The following MDGA2 variants were observed in gnomAD, a reference collection of about 807,000 sequenced individuals.
MDGA2 encodes the protein MAM domain-containing glycosylphosphatidylinositol anchor protein 2.
Under a neutral mutation model 117.8 loss-of-function variants are expected in MDGA2, and 40 were observed. The ratio of observed to expected loss-of-function variants is 0.34; its 90% confidence interval spans 0.26 to 0.44. The LOEUF (loss-of-function observed/expected upper bound fraction) is 0.44. Among genes scored for constraint, MDGA2 ranks in the 20% least tolerant of loss-of-function variants. The pLI, the probability that MDGA2 is intolerant of heterozygous loss-of-function variation, is 1.00. For missense variants in MDGA2, 1,123 were observed against 1,250.6 expected (o/e 0.90, Z 1.54); for synonymous variants, 452 against 439.0 (o/e 1.03, Z -0.37).
At chr14:47,032,367 G>T (rs1888693457) in intron 8 of MDGA2, among the ~76,000 whole-genome samples, 1 of 152,082 alleles carries the variant, frequency 6.6e-6, no homozygotes, top group Non-Finnish European at 1.5e-5. Context: ...CAGGAAGATT[G>T]CTTGAAGTCA....
intron 3 of MDGA2, among the ~76,000 whole-genome samples, chr14:47,194,502 G>T (rs1476141123): frequency 6.6e-6 from 1 of 151,972 alleles, no homozygotes; most frequent in African/African-American, 2.4e-5. Context: ...TTATCCCTTT[G>T]CATAAGAGGA....
chr14:47,056,208 G>T (rs1889669502), intron 7 of MDGA2, among the ~76,000 whole-genome samples: 1 of 151,998 alleles, frequency 6.6e-6, no homozygotes, highest in South Asian at 2.1e-4. Context: ...TAATTAATTG[G>T]ACTTAGTCAT....
chr14:47,163,890 C>T (rs564675809), intron 3 of MDGA2, among the ~76,000 whole-genome samples: 1 of 152,166 alleles, frequency 6.6e-6, no homozygotes, highest in African/African-American at 2.4e-5. Flanking sequence ...ATGAGCACAA[C>T]AGCACACATT....
intron 1 of MDGA2, among the ~76,000 whole-genome samples, chr14:47,648,009 CAA>C (rs1289958824): frequency 6.6e-6 from 1 of 151,964 alleles, no homozygotes; most frequent in African/African-American, 2.4e-5. Flanking sequence ...AATAAATAAA[CAA>C]ATAAATGCCT....
At position 47,156,524 on chromosome 14, in the gene MDGA2, A is replaced by G. The variant is rs1176532609; in HGVS notation, c.596-12250T>C. Reference sequence around the variant, plus strand: ...CAATTAATCCATAGGCTTATGATTAATCAGTTATTAACTGCGACTGAAGTC... The same window carrying G: ...CAATTAATCCATAGGCTTATGATTAGTCAGTTATTAACTGCGACTGAAGTC... On this transcript the variant is annotated intron_variant, in intron 3 of 16. Transcript: ENST00000399232. Among the ~76,000 whole-genome samples, 4 of 152,326 alleles carry G rather than the reference A, an allele frequency of 2.6e-5. No individual in the cohort carries two copies. In the East Asian group the frequency reaches 7.7e-4, roughly 29 times the overall value.
At chr14:47,411,554 C>T (rs973462774) in intron 1 of MDGA2, among the ~76,000 whole-genome samples, 4 of 151,998 alleles carry the variant, frequency 2.6e-5, no homozygotes, top group Admixed American at 6.6e-5. Flanking sequence ...AGGATCATAA[C>T]GGTTGGCCTT....
At chr14:46,906,121 C>T (rs1319374280) in intron 10 of MDGA2, among the ~76,000 whole-genome samples, 1 of 151,834 alleles carries the variant, frequency 6.6e-6, no homozygotes, top group Non-Finnish European at 1.5e-5. Context: ...CCACTCTGTG[C>T]TAGATACTGT....
At chr14:46,914,485 T>C (rs1311006339) in intron 10 of MDGA2, among the ~76,000 whole-genome samples, 2 of 152,016 alleles carry the variant, frequency 1.3e-5, no homozygotes, top group African/African-American at 2.4e-5. Flanking sequence ...TACAAGAAAA[T>C]TGTGTAAGTC....
chr14:47,304,353 T>C (rs1176285808), intron 1 of MDGA2, among the ~76,000 whole-genome samples: 1 of 152,186 alleles, frequency 6.6e-6, no homozygotes, highest in Non-Finnish European at 1.5e-5. Flanking sequence ...TATTGTTCTT[T>C]TCATTACTTG....
At chr14:47,267,702 GT>G (rs1366200710) in intron 2 of MDGA2, among the ~76,000 whole-genome samples, 3 of 151,776 alleles carry the variant, frequency 2.0e-5, no homozygotes, top group African/African-American at 7.2e-5. Flanking sequence ...TTCCTCAATT[GT>G]TTTTTTCTTC....
rs534771045 is a variant in MDGA2 at position 47,023,027 on chromosome 14, T to C, written c.1819+11984A>G. Among the ~76,000 whole-genome samples, 84 of 151,982 alleles carry C rather than the reference T, an allele frequency of 5.5e-4. No homozygotes were observed. In the Middle Eastern group the frequency reaches 0.021, roughly 37 times the overall value. ...TGGGTGAGAGACAAAGGGGCAAGCTTTTTCAGGTGGACTGGAAATGAGAAC... is the reference window on the plus strand; with the variant it reads ...TGGGTGAGAGACAAAGGGGCAAGCTCTTTCAGGTGGACTGGAAATGAGAAC... On this transcript the variant is annotated intron_variant, in intron 8 of 16. Coordinates refer to ENST00000399232, the MANE Select transcript of MDGA2 (RefSeq NM_001113498.3).
At chr14:47,194,205 C>G (rs555740922) in intron 3 of MDGA2, among the ~76,000 whole-genome samples, 1 of 152,240 alleles carries the variant, frequency 6.6e-6, no homozygotes, top group African/African-American at 2.4e-5. Flanking sequence ...AGAGACAAGA[C>G]TGATTTAATT....
chr14:47,655,057 G>C (rs1897718471), intron 1 of MDGA2, among the ~76,000 whole-genome samples: 1 of 152,024 alleles, frequency 6.6e-6, no homozygotes, highest in Non-Finnish European at 1.5e-5. Context: ...AAGATCTAAA[G>C]GAGGCACATT....
At chr14:47,387,809 C>A (rs1311826774) in intron 1 of MDGA2, among the ~76,000 whole-genome samples, 1 of 152,196 alleles carries the variant, frequency 6.6e-6, no homozygotes. Context: ...ATCTCACCAT[C>A]TCTCTGGACT....
At chr14:47,160,032 A>T (rs1883566504) in intron 3 of MDGA2, among the ~76,000 whole-genome samples, 1 of 152,118 alleles carries the variant, frequency 6.6e-6, no homozygotes, top group South Asian at 2.1e-4. Flanking sequence ...TCCAGAACCG[A>T]ATTTTGAATG....
At chr14:47,649,184 T>C (rs1213724886) in intron 1 of MDGA2, among the ~76,000 whole-genome samples, 1 of 152,228 alleles carries the variant, frequency 6.6e-6, no homozygotes, top group Non-Finnish European at 1.5e-5. Flanking sequence ...TATTTTTTTC[T>C]TCTTAATAAA....
At chr14:46,945,174 T>G (rs1268745680) in intron 9 of MDGA2, among the ~76,000 whole-genome samples, 1 of 152,120 alleles carries the variant, frequency 6.6e-6, no homozygotes, top group African/African-American at 2.4e-5. Flanking sequence ...TTACGTTTAA[T>G]GTAAAAAGTG....
chr14:46,892,020 G>A (rs1467476024), intron 10 of MDGA2, among the ~76,000 whole-genome samples: 1 of 151,568 alleles, frequency 6.6e-6, no homozygotes, highest in Non-Finnish European at 1.5e-5. Flanking sequence ...GGGGAAATGA[G>A]CCTCTAATGG....
chr14:47,373,860 C>T (rs1891419794), intron 1 of MDGA2, among the ~76,000 whole-genome samples: 1 of 152,016 alleles, frequency 6.6e-6, no homozygotes, highest in African/African-American at 2.4e-5. Context: ...AAACCTATGA[C>T]CAATTTTTTC....
Sources: allele counts gnomAD v4.1 joint callset (sites outside exome capture counted in the v4.1 genomes callset), GRCh38; gene constraint gnomAD v4.1.1; transcripts MANE v1.5; gene names NCBI Gene and HGNC (gene_info 2026-07-23, HGNC 2026-07-21).